The following PUM2 variants were observed in gnomAD, a reference collection of about 807,000 sequenced individuals.
PUM2 encodes the protein pumilio homolog 2.
Under a neutral mutation model 124.5 loss-of-function variants are expected in PUM2, and 57 were observed. The ratio of observed to expected loss-of-function variants is 0.46; its 90% CI spans 0.37 to 0.57. The LOEUF (loss-of-function observed/expected upper bound fraction) is 0.57, where lower values mean the gene tolerates loss of function less well. PUM2 is among the 20% of genes least tolerant of loss of function. The probability of loss-of-function intolerance (pLI) is 0.00; values close to 1 mark genes in which losing one functional copy is unlikely to be tolerated. For synonymous variants in PUM2, 460 were observed against 446.1 expected (o/e 1.03, Z -0.39); for missense variants, 1,065 against 1,290.6 (o/e 0.83, Z 2.68).
At chr2:20,351,246 C>A (rs996838532), upstream of PUM2, among the ~76,000 whole-genome samples, 1 of 152,250 alleles carries the variant, frequency 6.6e-6, no homozygotes, top group Admixed American at 6.5e-5. Context: ...CGCCGCCCAC[C>A]GTGGGGTACT....
chr2:20,319,871 C>T (rs1681886293), intron 2 of PUM2, among the ~76,000 whole-genome samples: 2 of 152,140 alleles, frequency 1.3e-5, no homozygotes, highest in South Asian at 4.1e-4. Flanking sequence ...ACACTATGTA[C>T]TACAAAAAAC....
chr2:20,292,386 G>T (rs116183849), intron 9 of PUM2, among the ~76,000 whole-genome samples: 1 of 151,414 alleles, frequency 6.6e-6, no homozygotes, highest in Non-Finnish European at 1.5e-5. Context: ...TTTCTGAGAC[G>T]AAGTCTCGCT....
rs1189883393 is a variant in PUM2, at chr2:20,350,730, C to G, written c.-152G>C. 4 of 854,898 alleles carry G rather than the reference C, an allele frequency of 4.7e-6. No individual in the cohort carries two copies. Among genetic ancestry groups the G allele is most frequent in the Non-Finnish European group, 5.6e-6 (4 of 716,014 alleles). 53.0% of individuals were successfully genotyped at this position (854,898 alleles called of 1,614,324 possible). A position where few individuals can be genotyped will look rare whatever the true frequency, so the allele number is the denominator to read the frequency against. The stretch of plus-strand genomic sequence containing the variant: ...CTTCTTTCTCCACCTACCACCCTCC[C>G]CCCCCACCCCACCTCCTCCTTCTCC... On this transcript the variant is annotated 5_prime_UTR_variant, in exon 1 of 21. Coordinates refer to ENST00000361078, the MANE Select transcript of PUM2 (RefSeq NM_015317.5).
At position 20,308,080 on chromosome 2, in the gene PUM2, G is replaced by A. The variant is rs780733456; in HGVS notation, c.790-9C>T. ...TTAGTCCTCTGAAAGAGCTATTAGG[G>A]AAAATATTTAACACAAAGATTAGTG... On this transcript the variant is annotated splice_polypyrimidine_tract_variant and intron_variant, in intron 6 of 20. Coordinates refer to ENST00000361078, the MANE Select transcript of PUM2 (RefSeq NM_015317.5). 4 of 1,600,274 alleles carry A rather than the reference G, an allele frequency of 2.5e-6. No individual in the cohort carries two copies. The highest frequency in any genetic ancestry group is 1.7e-4 in the Middle Eastern group (1 of 6,024).
At chr2:20,320,843 T>TA (rs749581185) in intron 2 of PUM2, among the ~76,000 whole-genome samples, 9 of 152,096 alleles carry the variant, frequency 5.9e-5, no homozygotes, top group Non-Finnish European at 8.8e-5. Flanking sequence ...CATTCACAGT[T>TA]AAAACCCAAG....
intron 1 of PUM2, among the ~76,000 whole-genome samples, chr2:20,328,102 A>C (rs1053736467): frequency 3.9e-5 from 6 of 152,184 alleles, no homozygotes; most frequent in Non-Finnish European, 8.8e-5. Context: ...TGGGAGACCG[A>C]GGTGGGTGAT....
chr2:20,349,344 C>G (rs1193033389), intron 1 of PUM2, among the ~76,000 whole-genome samples: 1 of 152,170 alleles, frequency 6.6e-6, no homozygotes, highest in Non-Finnish European at 1.5e-5. Context: ...AAACTGCCCT[C>G]ATGCACACCA....
rs184830940 is a variant in PUM2 at position 20,338,388 on chromosome 2, C to A, written c.-18-11010G>T. On this transcript the variant is annotated intron_variant, in intron 1 of 20. Coordinates refer to ENST00000361078, the MANE Select transcript of PUM2 (RefSeq NM_015317.5). ...CTCCAGCCTGGGCGACAGAGCAAGA[C>A]TCTTGTCTCAAAAAACAAAACAAAA... 5.1e-3 allele frequency among the ~76,000 whole-genome samples: 772 copies of A among 152,282 alleles called. 4 individuals are homozygous for A. Among genetic ancestry groups the A allele is most frequent in the South Asian group, 0.012 (56 of 4,822 alleles).
At chr2:20,331,412 T>C (rs1470821385) in intron 1 of PUM2, among the ~76,000 whole-genome samples, 1 of 152,122 alleles carries the variant, frequency 6.6e-6, no homozygotes, top group Non-Finnish European at 1.5e-5. Flanking sequence ...TAAAATAAAG[T>C]GCTAGGTCAG....
At chr2:20,322,988 C>T (rs1431057927) in intron 2 of PUM2, among the ~76,000 whole-genome samples, 1 of 152,188 alleles carries the variant, frequency 6.6e-6, no homozygotes, top group Non-Finnish European at 1.5e-5. Context: ...GCAAACATTA[C>T]TAAATGTCAT....
intron 12 of PUM2, among the ~76,000 whole-genome samples, chr2:20,280,503 T>C (rs1340535748): frequency 6.1e-5 from 7 of 115,372 alleles, no homozygotes; most frequent in Admixed American, 5.4e-4. Flanking sequence ...AAATTCCTAT[T>C]TATTTCAGAA....
At chr2:20,288,185 G>T (rs1453326855) in intron 10 of PUM2, among the ~76,000 whole-genome samples, 1 of 152,150 alleles carries the variant, frequency 6.6e-6, no homozygotes, top group Non-Finnish European at 1.5e-5. Flanking sequence ...TCTGAAGAAG[G>T]CAGCCATTAA....
At chr2:20,296,703 C>G (rs891346369) in intron 8 of PUM2, among the ~76,000 whole-genome samples, 1 of 146,472 alleles carries the variant, frequency 6.8e-6, no homozygotes, top group East Asian at 2.1e-4. Context: ...TCAACCTATT[C>G]TTGCCTGTAT....
chr2:20,303,545 A>G (rs1171936686), intron 7 of PUM2, among the ~76,000 whole-genome samples: 4 of 150,878 alleles, frequency 2.7e-5, no homozygotes, highest in African/African-American at 9.7e-5. Flanking sequence ...TATAATGCTG[A>G]GTTTTGCCCA....
intron 2 of PUM2, among the ~76,000 whole-genome samples, 177 bp downstream of exon 2, chr2:20,327,130 GCTT>G (rs924232148): frequency 4.7e-5 from 7 of 149,842 alleles, no homozygotes; most frequent in Non-Finnish European, 7.4e-5. Context: ...ACTGCTAAAA[GCTT>G]TTTTTTTAAA....
intron 2 of PUM2, among the ~76,000 whole-genome samples, chr2:20,321,950 G>A (rs1455923577): frequency 6.6e-6 from 1 of 151,066 alleles, no homozygotes; most frequent in Non-Finnish European, 1.5e-5. Flanking sequence ...CATTTCCAAA[G>A]AAACCTATCA....
intron 13 of PUM2, among the ~76,000 whole-genome samples, chr2:20,267,087 A>C (rs1667844171): frequency 1.3e-5 from 2 of 151,506 alleles, no homozygotes; most frequent in Admixed American, 1.3e-4. Context: ...CAGTGATGCA[A>C]TCTTGGCTCA....
upstream of PUM2, among the ~76,000 whole-genome samples, chr2:20,351,066 C>CT (rs1414254920): frequency 1.3e-5 from 2 of 152,318 alleles, no homozygotes; most frequent in South Asian, 4.1e-4. Context: ...TCGCGCTTCC[C>CT]TCCTGGGCTC....
chr2:20,325,583 A>C (rs1683470942), intron 2 of PUM2, among the ~76,000 whole-genome samples: 1 of 152,118 alleles, frequency 6.6e-6, no homozygotes, highest in South Asian at 2.1e-4. Flanking sequence ...AGAAGTGATA[A>C]AGGGAGTCTA....
Sources: allele counts gnomAD v4.1 joint callset (sites outside exome capture counted in the v4.1 genomes callset), GRCh38; gene constraint gnomAD v4.1.1; transcripts MANE v1.5; gene names NCBI Gene and HGNC (gene_info 2026-07-23, HGNC 2026-07-21).